The following DNAI4 variants were observed in gnomAD, a reference collection of about 807,000 sequenced individuals.
DNAI4 encodes dynein axonemal intermediate chain 4.
Under a neutral mutation model 105.8 loss-of-function variants are expected in DNAI4, and 85 were observed. The ratio of observed to expected loss-of-function variants is 0.80; its 90% confidence interval spans 0.67 to 0.96. The LOEUF (loss-of-function observed/expected upper bound fraction) is 0.96, where lower values mean the gene tolerates loss of function less well. Ranked by LOEUF, DNAI4 falls within the 40% of genes least tolerant of loss-of-function variation. DNAI4 has a pLI of 0.00. For synonymous variants in DNAI4, 352 were observed against 331.5 expected, an observed-to-expected ratio of 1.06 and a Z score of -0.67; for missense variants, 1,014 against 1,005.6, an observed-to-expected ratio of 1.01 and a Z score of -0.11.
intron 1 of DNAI4, among the ~76,000 whole-genome samples, chr1:66,906,163 G>T (rs550946468): frequency 6.6e-6 from 1 of 151,828 alleles, no homozygotes; most frequent in South Asian, 2.1e-4. Flanking sequence ...CCTCGTGATC[G>T]TCTCACCTCA....
intron 1 of DNAI4, among the ~76,000 whole-genome samples, chr1:66,912,505 T>C (rs1295284097): frequency 3.3e-5 from 5 of 152,066 alleles, no homozygotes; most frequent in Admixed American, 3.3e-4. Flanking sequence ...TGCAGCCATT[T>C]GTCTCTCACC....
At chr1:66,887,018 TA>T (rs1177243422) in intron 4 of DNAI4, among the ~76,000 whole-genome samples, 1 of 149,940 alleles carries the variant, frequency 6.7e-6, no homozygotes, top group African/African-American at 2.5e-5. Context: ...TTGCCTCCCC[TA>T]CCAAGGCCAC....
At chr1:66,819,900 C>A (rs1645591098) in intron 16 of DNAI4, among the ~76,000 whole-genome samples, 1 of 151,682 alleles carries the variant, frequency 6.6e-6, no homozygotes, top group South Asian at 2.1e-4. Flanking sequence ...ATCATAGAGA[C>A]TTTTTTTTTA....
intron 5 of DNAI4, among the ~76,000 whole-genome samples, chr1:66,872,075 A>G (rs1646858514): frequency 6.6e-6 from 1 of 152,044 alleles, no homozygotes; most frequent in African/African-American, 2.4e-5. Flanking sequence ...TTTTTATTCA[A>G]ATTTTCTATA....
At chr1:66,873,990 A>C (rs1395735362) in intron 5 of DNAI4, among the ~76,000 whole-genome samples, 1 of 151,564 alleles carries the variant, frequency 6.6e-6, no homozygotes, top group East Asian at 1.9e-4. Flanking sequence ...GATTTTGAGA[A>C]GGAATAATAC....
intron 5 of DNAI4, among the ~76,000 whole-genome samples, chr1:66,874,075 G>A (rs1013120532): frequency 3.3e-5 from 5 of 151,542 alleles, no homozygotes; most frequent in Non-Finnish European, 7.4e-5. Context: ...AAAATAATCA[G>A]AATAACTATT....
intron 2 of DNAI4, among the ~76,000 whole-genome samples, chr1:66,900,731 G>C (rs1464181783): frequency 1.3e-5 from 2 of 152,028 alleles, no homozygotes; most frequent in African/African-American, 4.8e-5. Flanking sequence ...CAATTCATTT[G>C]CATATTGATC....
chr1:66,834,829 G>A (rs1374767209), intron 11 of DNAI4, among the ~76,000 whole-genome samples: 2 of 151,872 alleles, frequency 1.3e-5, no homozygotes, highest in Non-Finnish European at 2.9e-5. Context: ...TGATTTTTTG[G>A]TGAAAATTAT....
chr1:66,851,969 T>A (rs1312461478), intron 7 of DNAI4, among the ~76,000 whole-genome samples: 1 of 151,826 alleles, frequency 6.6e-6, no homozygotes, highest in African/African-American at 2.4e-5. Context: ...ATATAAAGAA[T>A]TTCTTCCTTG....
At chr1:66,906,741 C>G (rs1442703643) in intron 1 of DNAI4, among the ~76,000 whole-genome samples, 2 of 151,996 alleles carry the variant, frequency 1.3e-5, no homozygotes, top group African/African-American at 4.8e-5. Context: ...CCCTATTCTC[C>G]TTCTATCTCT....
intron 4 of DNAI4, among the ~76,000 whole-genome samples, chr1:66,884,408 T>C (rs1233866863): frequency 3.9e-5 from 6 of 152,232 alleles, no homozygotes; most frequent in Admixed American, 3.9e-4. Context: ...TTTTCCATAA[T>C]GGCTATACTA....
At position 66,862,168 on chromosome 1, in the gene DNAI4, G is replaced by A; in HGVS notation, c.1075C>T (p.Pro359Ser). Residue 359 changes from proline (P) to serine (S), a missense_variant, in exon 7 of 17, where the codon CCA (proline) becomes TCA (serine). Transcript: ENST00000371026. ...VLPKDQDQRLPGSTTEKNSET... is the reference protein window; with the variant it reads ...VLPKDQDQRLSGSTTEKNSET... ...TTACTTTTTTCTGTAGTGCTCCCTG[G>A]CAATCTTTGGTCCTGATCTTTAGGA... The A allele has an allele frequency of 6.3e-7, 1 of 1,582,678 alleles. No individual in the cohort carries two copies. Among genetic ancestry groups the A allele is most frequent in the Non-Finnish European group, 8.6e-7 (1 of 1,169,566 alleles).
At chr1:66,899,000 A>C (rs1037265147) in intron 2 of DNAI4, among the ~76,000 whole-genome samples, 2 of 152,082 alleles carry the variant, frequency 1.3e-5, no homozygotes, top group African/African-American at 4.8e-5. Context: ...TTCTTTACCC[A>C]CTTTTCCATT....
intron 7 of DNAI4, among the ~76,000 whole-genome samples, chr1:66,859,424 T>A (rs1646578062): frequency 6.6e-6 from 1 of 152,184 alleles, no homozygotes. Flanking sequence ...TCTTACTGTA[T>A]GATCCAAAAA....
chr1:66,840,856 C>G (rs1646135006), intron 8 of DNAI4, among the ~76,000 whole-genome samples, 185 bp from the exon 9 acceptor site: 1 of 152,202 alleles, frequency 6.6e-6, no homozygotes, highest in African/African-American at 2.4e-5. Flanking sequence ...TTCTGCTGTT[C>G]TGGGTTCCAA....
At position 66,827,807 on chromosome 1, in the gene DNAI4, C is replaced by A; in HGVS notation, c.2112+5G>T. On this transcript the variant is annotated splice_donor_5th_base_variant and intron_variant, in intron 14 of 16. Transcript: ENST00000371026. The stretch of plus-strand genomic sequence containing the variant: ...AATGTTCCAACCTACTATAATTAAA[C>A]TAACCTTATGTCCTCTGTAGGTATC... 1 of 1,508,032 alleles carries A rather than the reference C, an allele frequency of 6.6e-7. No individual in the cohort carries two copies. The allele number at this position is 1,508,032 out of a possible 1,614,324, so 93.4% of individuals were successfully genotyped here.
intron 7 of DNAI4, among the ~76,000 whole-genome samples, chr1:66,860,401 C>T (rs1209780554): frequency 6.6e-6 from 1 of 151,886 alleles, no homozygotes; most frequent in Non-Finnish European, 1.5e-5. Context: ...ATAAAAACCT[C>T]AGAGTCAAAA....
intron 4 of DNAI4, among the ~76,000 whole-genome samples, chr1:66,877,075 A>T (rs1490455402): frequency 6.6e-6 from 1 of 152,200 alleles, no homozygotes; most frequent in East Asian, 1.9e-4. Flanking sequence ...AATTCAGAAC[A>T]GGGTGAGGAA....
chr1:66,895,802 T>C (rs1286926089), intron 2 of DNAI4, among the ~76,000 whole-genome samples: 1 of 152,198 alleles, frequency 6.6e-6, no homozygotes, highest in East Asian at 1.9e-4. Context: ...GAAATGATCA[T>C]ATGCTTTTTT....
Sources: allele counts gnomAD v4.1 joint callset (sites outside exome capture counted in the v4.1 genomes callset), GRCh38; gene constraint gnomAD v4.1.1; transcripts MANE v1.5; gene names NCBI Gene and HGNC (gene_info 2026-07-23, HGNC 2026-07-21).